Variants in CAMKMT observed in about 807,000 individuals in gnomAD.
CAMKMT encodes CaM KMT.
CAMKMT carries 53 observed loss-of-function variants against 48.0 expected under a neutral mutation model. That is an observed-to-expected ratio of 1.10 (90% CI 0.89 to 1.39). The LOEUF is 1.39. Ranked by LOEUF, CAMKMT falls within the 40% of genes most tolerant of loss-of-function variation. The probability of loss-of-function intolerance (pLI) is 0.00; values close to 1 mark genes in which losing one functional copy is unlikely to be tolerated. For synonymous variants in CAMKMT, 165 were observed against 152.3 expected (o/e 1.08, Z -0.61); for missense variants, 428 against 402.7 (o/e 1.06, Z -0.54).
At chr2:44,647,207 A>G (rs1034362456) in intron 3 of CAMKMT, among the ~76,000 whole-genome samples, 30 of 152,178 alleles carry the variant, frequency 2.0e-4, no homozygotes, top group African/African-American at 6.5e-4. Context: ...GTCAACTACA[A>G]TAACTCCATT....
chr2:44,495,506 C>A (rs1250377083), intron 3 of CAMKMT, among the ~76,000 whole-genome samples: 1 of 152,018 alleles, frequency 6.6e-6, no homozygotes, highest in African/African-American at 2.4e-5. Context: ...AAATTCATTG[C>A]AGTTTTGTAA....
intron 7 of CAMKMT, among the ~76,000 whole-genome samples, chr2:44,741,265 G>A (rs1186543856): frequency 2.0e-5 from 3 of 152,212 alleles, no homozygotes; most frequent in Non-Finnish European, 4.4e-5. Context: ...GAGCATGCAT[G>A]GGAGTGTATC....
At chr2:44,629,818 G>C (rs1445320353) in intron 3 of CAMKMT, among the ~76,000 whole-genome samples, 1 of 152,174 alleles carries the variant, frequency 6.6e-6, no homozygotes, top group African/African-American at 2.4e-5. Context: ...TGGCCATACT[G>C]CCCAAGGTAA....
At chr2:44,666,925 A>C (rs533070986) in intron 3 of CAMKMT, among the ~76,000 whole-genome samples, 1 of 152,328 alleles carries the variant, frequency 6.6e-6, no homozygotes, top group African/African-American at 2.4e-5. Context: ...TAATTTGTTA[A>C]GAATCCATAC....
chr2:44,497,199 A>G (rs190766144), intron 3 of CAMKMT, among the ~76,000 whole-genome samples: 1 of 152,332 alleles, frequency 6.6e-6, no homozygotes, highest in African/African-American at 2.4e-5. Context: ...CTCAATTAAT[A>G]TTGGGAATGT....
intron 3 of CAMKMT, among the ~76,000 whole-genome samples, chr2:44,626,123 T>C (rs545637564): frequency 6.6e-6 from 1 of 152,322 alleles, no homozygotes; most frequent in South Asian, 2.1e-4. Flanking sequence ...ATAATTCACA[T>C]CTTAATAATA....
At chr2:44,390,441 C>A in intron 3 of CAMKMT, 136 bp downstream of exon 3, 1 of 517,366 alleles carries the variant, frequency 1.9e-6, no homozygotes, top group South Asian at 3.0e-5. Flanking sequence ...GAAAGTTTGA[C>A]TGTCTTTAGC....
Position 44,651,336 on chromosome 2 carries a change from A to G in CAMKMT, c.377-52947A>G, listed in dbSNP as rs139343768. On this transcript the variant is annotated intron_variant, in intron 3 of 10. Coordinates refer to ENST00000378494, the MANE Select transcript of CAMKMT (RefSeq NM_024766.5). ...CCTTTTTTTGGAATATGCAGACATC[A>G]AAAGTTCTTGTAATGACCTGTGGCA... 3.5e-3 allele frequency among the ~76,000 whole-genome samples: 533 copies of G among 152,344 alleles called. 2 individuals carry two copies. Among genetic ancestry groups the G allele is most frequent in the African/African-American group, 0.012 (488 of 41,580 alleles).
chr2:44,394,816 A>C (rs907130194), intron 3 of CAMKMT: 14 of 453,702 alleles, frequency 3.1e-5, no homozygotes, highest in African/African-American at 2.8e-4. Context: ...GATGTATCTA[A>C]AACTGATCTC....
Position 44,501,805 on chromosome 2 carries a change from G to T in CAMKMT, c.376+111500G>T, listed in dbSNP as rs186631136. Among the ~76,000 whole-genome samples the T allele has an allele frequency of 2.1e-3, 315 of 152,232 alleles. 8 individuals are homozygous for T. The highest frequency in any genetic ancestry group is 4.7e-4 in the Non-Finnish European group (32 of 68,020). On this transcript the variant is annotated intron_variant, in intron 3 of 10. Transcript: ENST00000378494. ...AGGCAGGAGTTTCGCTTGAGCCCAG[G>T]AGTTGGAGTTGAAGGTTGCAGTGAG...
chr2:44,524,372 G>C (rs567529159), intron 3 of CAMKMT, among the ~76,000 whole-genome samples: 1 of 152,164 alleles, frequency 6.6e-6, no homozygotes, highest in South Asian at 2.1e-4. Flanking sequence ...GACTAACGTT[G>C]GATGCTTGGA....
chr2:44,585,231 G>C (rs553186773), intron 3 of CAMKMT, among the ~76,000 whole-genome samples: 16 of 152,288 alleles, frequency 1.1e-4, no homozygotes, highest in African/African-American at 3.8e-4. Flanking sequence ...ACATAGGAGA[G>C]CATGAAGCAC....
intron 3 of CAMKMT, among the ~76,000 whole-genome samples, chr2:44,412,948 C>A (rs550707872): frequency 6.6e-6 from 1 of 151,490 alleles, no homozygotes; most frequent in Non-Finnish European, 1.5e-5. Flanking sequence ...TGGTGGCGTG[C>A]GCCTGTAAAC....
At chr2:44,531,223 C>T (rs1407793893) in intron 3 of CAMKMT, among the ~76,000 whole-genome samples, 2 of 152,010 alleles carry the variant, frequency 1.3e-5, no homozygotes, top group Admixed American at 6.6e-5. Flanking sequence ...AAAAATTAAG[C>T]CCAATTCTTA....
At chr2:44,468,741 A>T (rs532545337) in intron 3 of CAMKMT, among the ~76,000 whole-genome samples, 8 of 152,306 alleles carry the variant, frequency 5.3e-5, no homozygotes, top group African/African-American at 1.9e-4. Context: ...CAACAAAGCA[A>T]GACCCAGTCT....
At chr2:44,703,532 C>T (rs899250588) in intron 3 of CAMKMT, among the ~76,000 whole-genome samples, 1 of 152,078 alleles carries the variant, frequency 6.6e-6, no homozygotes, top group Non-Finnish European at 1.5e-5. Context: ...GTAATCCCAG[C>T]ACTTTGGGAG....
chr2:44,705,708 G>A (rs1036163235), intron 4 of CAMKMT, among the ~76,000 whole-genome samples: 5 of 152,164 alleles, frequency 3.3e-5, no homozygotes, highest in African/African-American at 4.8e-5. Flanking sequence ...TGTGATTTAA[G>A]TGTTAATTGC....
chr2:44,471,488 T>C (rs1193820313), intron 3 of CAMKMT, among the ~76,000 whole-genome samples: 1 of 151,900 alleles, frequency 6.6e-6, no homozygotes, highest in Non-Finnish European at 1.5e-5. Flanking sequence ...TCGTCCCAGT[T>C]ACTAGGGAGG....
intron 3 of CAMKMT, among the ~76,000 whole-genome samples, chr2:44,682,722 G>A (rs1050054386): frequency 2.6e-5 from 4 of 152,120 alleles, no homozygotes; most frequent in Admixed American, 2.0e-4. Context: ...AGAGACAATC[G>A]AGAAACGTTG....
Sources: gnomAD v4.1 joint callset for allele counts (sites outside exome capture counted in the v4.1 genomes callset) on GRCh38, gnomAD v4.1.1 for gene constraint, MANE v1.5 for transcripts, NCBI Gene and HGNC (gene_info 2026-07-23, HGNC 2026-07-21) for gene names.